Variants in GABRG3 observed in about 807,000 individuals in gnomAD.
GABRG3 encodes gamma-aminobutyric acid receptor subunit gamma-3.
A neutral mutation model predicts 48.8 loss-of-function variants in GABRG3; 25 were observed. The ratio of observed to expected loss-of-function variants is 0.51; its 90% CI spans 0.37 to 0.72. GABRG3 has a LOEUF of 0.72. GABRG3 is among the 30% of genes least tolerant of loss of function. The probability of loss-of-function intolerance (pLI) is 0.00; values close to 1 mark genes in which losing one functional copy is unlikely to be tolerated. For synonymous variants in GABRG3, 227 were observed against 217.6 expected, an observed-to-expected ratio of 1.04 and a Z score of -0.38; for missense variants, 394 against 577.9, an observed-to-expected ratio of 0.68 and a Z score of 3.26.
In GABRG3 at chr15:27,091,657, G is replaced by A. The variant is rs141968998; in HGVS notation, c.270+64836G>A. Among the ~76,000 whole-genome samples, 176 of 152,196 alleles carry A rather than the reference G, an allele frequency of 1.2e-3. 1 individual carries two copies. The highest frequency in any genetic ancestry group is 4.0e-3 in the African/African-American group (167 of 41,532). ...CTCGCTGTTTGCTCTAGATCTGTTC[G>A]GATTTTCCATTTTCTTTGTGAGTCA... On this transcript the variant is annotated intron_variant, in intron 3 of 9. Coordinates refer to ENST00000615808, the MANE Select transcript of GABRG3 (RefSeq NM_033223.5).
Position 27,380,913 on chromosome 15 carries a change from C to G in GABRG3, c.574+52025C>G, listed in dbSNP as rs369309036. Among the ~76,000 whole-genome samples, 9 of 152,038 alleles carry G rather than the reference C, an allele frequency of 5.9e-5. No individual in the cohort carries two copies. The South Asian group carries it at 1.2e-3, about 21-fold the overall frequency. On this transcript the variant is annotated intron_variant, in intron 5 of 9. Transcript: ENST00000615808. ...CCCGAGTAGCTGGGACTACAGGCGC[C>G]TGCCACCATGCCCAGCTAATTTTTT...
At chr15:27,103,755 G>A (rs182412173) in intron 3 of GABRG3, among the ~76,000 whole-genome samples, 17 of 152,172 alleles carry the variant, frequency 1.1e-4, no homozygotes, top group African/African-American at 3.6e-4. Context: ...ATTCTCTCAA[G>A]GTGACCGCTC....
At chr15:27,012,807 G>C (rs902217546) in intron 2 of GABRG3, among the ~76,000 whole-genome samples, 2 of 152,130 alleles carry the variant, frequency 1.3e-5, no homozygotes, top group Non-Finnish European at 2.9e-5. Flanking sequence ...TGGAGACTTT[G>C]TGTCTTGATT....
chr15:27,378,324 C>T (rs115267369), intron 5 of GABRG3, among the ~76,000 whole-genome samples: 2,925 of 152,252 alleles, frequency 0.019, 110 homozygotes, highest in African/African-American at 0.067. Context: ...CAATTTCCTC[C>T]TCTGCTTCTC....
chr15:27,344,947 G>T (rs1320641242), intron 5 of GABRG3, among the ~76,000 whole-genome samples: 3 of 152,172 alleles, frequency 2.0e-5, no homozygotes, highest in Non-Finnish European at 4.4e-5. Context: ...ATTGTGTAAG[G>T]CCACTATCTA....
intron 3 of GABRG3, among the ~76,000 whole-genome samples, chr15:27,148,353 A>T (rs1290724735): frequency 1.3e-5 from 2 of 152,136 alleles, no homozygotes; most frequent in Admixed American, 6.5e-5. Flanking sequence ...TATTTTAGTA[A>T]CCAGAAGCCT....
intron 5 of GABRG3, among the ~76,000 whole-genome samples, chr15:27,393,074 A>T (rs71465227): frequency 1.3e-5 from 2 of 152,146 alleles, no homozygotes; most frequent in African/African-American, 2.4e-5. Context: ...GTCTGGGCGC[A>T]GTGGCTCATG....
At chr15:27,507,509 A>G (rs1890788908) in intron 6 of GABRG3, among the ~76,000 whole-genome samples, 1 of 152,130 alleles carries the variant, frequency 6.6e-6, no homozygotes, top group Non-Finnish European at 1.5e-5. Flanking sequence ...ATCTTAAAAA[A>G]TAAAAATAAT....
intron 3 of GABRG3, among the ~76,000 whole-genome samples, chr15:27,299,303 A>C (rs1892115018): frequency 6.6e-6 from 1 of 150,394 alleles, no homozygotes; most frequent in Non-Finnish European, 1.5e-5. Context: ...CAAAAACAAA[A>C]ACAAACAAAA....
At chr15:27,159,481 TA>T (rs552767337) in intron 3 of GABRG3, among the ~76,000 whole-genome samples, 76 of 144,956 alleles carry the variant, frequency 5.2e-4, no homozygotes, top group Non-Finnish European at 5.5e-4. Flanking sequence ...GACTCCATCT[TA>T]AAAAAAAAAA....
At chr15:27,509,956 T>C (rs1890857815) in intron 6 of GABRG3, among the ~76,000 whole-genome samples, 1 of 152,240 alleles carries the variant, frequency 6.6e-6, no homozygotes, top group Non-Finnish European at 1.5e-5. Context: ...GATACTCAGA[T>C]ACATTTTATG....
At chr15:27,203,961 A>G (rs1954695533) in intron 3 of GABRG3, among the ~76,000 whole-genome samples, 1 of 152,004 alleles carries the variant, frequency 6.6e-6, no homozygotes, top group South Asian at 2.1e-4. Flanking sequence ...GGCCTTTGTC[A>G]GGTGTATAGT....
chr15:27,300,840 G>A (rs559958844), intron 3 of GABRG3, among the ~76,000 whole-genome samples: 49 of 152,170 alleles, frequency 3.2e-4, no homozygotes, highest in African/African-American at 1.1e-3. Flanking sequence ...GGTGGCTCAC[G>A]CCTGTAATCC....
chr15:26,991,886 A>G (rs1205691954), intron 2 of GABRG3, among the ~76,000 whole-genome samples: 1 of 151,846 alleles, frequency 6.6e-6, no homozygotes, highest in East Asian at 1.9e-4. Context: ...ATGCCCAGCT[A>G]ATTTTTTGTA....
chr15:27,082,745 T>C (rs552747751), intron 3 of GABRG3, among the ~76,000 whole-genome samples: 1 of 152,332 alleles, frequency 6.6e-6, no homozygotes, highest in African/African-American at 2.4e-5. Context: ...GAACCACAGA[T>C]GCCTTTTAAA....
At chr15:27,040,706 A>G (rs1218207000) in intron 3 of GABRG3, among the ~76,000 whole-genome samples, 1 of 152,248 alleles carries the variant, frequency 6.6e-6, no homozygotes, top group African/African-American at 2.4e-5. Context: ...GAGTTATCAA[A>G]GAAAGTATTA....
chr15:27,159,165 A>T (rs1898509992), intron 3 of GABRG3, among the ~76,000 whole-genome samples: 1 of 152,154 alleles, frequency 6.6e-6, no homozygotes, highest in Non-Finnish European at 1.5e-5. Flanking sequence ...TTAAAAGAAT[A>T]AGATAATACT....
At chr15:27,433,721 C>T (rs1209570081) in intron 5 of GABRG3, among the ~76,000 whole-genome samples, 5 of 152,110 alleles carry the variant, frequency 3.3e-5, no homozygotes, top group East Asian at 1.9e-4. Context: ...ATTGCTCTAT[C>T]GCTATGGAAA....
intron 3 of GABRG3, among the ~76,000 whole-genome samples, chr15:27,087,702 T>C (rs571657315): frequency 6.6e-6 from 1 of 152,190 alleles, no homozygotes; most frequent in African/African-American, 2.4e-5. Flanking sequence ...AGTGGGGGTG[T>C]GTACATGTAT....
Sources: gnomAD v4.1 joint callset for allele counts (sites outside exome capture counted in the v4.1 genomes callset) on GRCh38, gnomAD v4.1.1 for gene constraint, MANE v1.5 for transcripts, NCBI Gene and HGNC (gene_info 2026-07-23, HGNC 2026-07-21) for gene names.